The following ITGB6 variants were observed in gnomAD, a reference collection of about 807,000 sequenced individuals.
ITGB6 encodes integrin subunit beta 6, also known as integrin beta-6.
A neutral mutation model predicts 84.5 loss-of-function variants in ITGB6; 80 were observed. The ratio of observed to expected loss-of-function variants is 0.95; its 90% CI spans 0.79 to 1.14. The LOEUF is 1.14. ITGB6 is among the 50% of genes most tolerant of loss of function. The pLI is 0.00. For missense variants in ITGB6, 1,006 were observed against 968.0 expected, an observed-to-expected ratio of 1.04 and a Z score of -0.52; for synonymous variants, 383 against 354.9, an observed-to-expected ratio of 1.08 and a Z score of -0.89.
chr2:160,193,852 T>C (rs927787253), intron 4 of ITGB6, among the ~76,000 whole-genome samples: 2 of 152,180 alleles, frequency 1.3e-5, no homozygotes, highest in African/African-American at 2.4e-5. Flanking sequence ...CTGTATTTCA[T>C]GTAGAAGAGA....
chr2:160,107,930 C>T, intron 13 of ITGB6, 85 bp from the exon 14 acceptor site: 2 of 1,172,672 alleles, frequency 1.7e-6, no homozygotes, highest in Non-Finnish European at 2.4e-6. Context: ...TTTTCATCTA[C>T]ATTTTCTGCA....
At chr2:160,116,175 C>T (rs1432732037) in intron 12 of ITGB6, among the ~76,000 whole-genome samples, 1 of 151,410 alleles carries the variant, frequency 6.6e-6, no homozygotes, top group African/African-American at 2.4e-5. Flanking sequence ...CACAAAGATA[C>T]TCCTCGAGAA....
At position 160,101,829 on chromosome 2, in the gene ITGB6, G is replaced by C; in HGVS notation, c.2274C>G (p.Thr758=). The change falls in exon 15 of 15, where the codon ACC becomes ACG. Residue 758 remains threonine (T), a synonymous_variant. Transcript: ENST00000283249. The part of the protein sequence containing the change: ...ERSKAKWQTG[T]NPLYRGSTST... ...TTGTGGATCCTCTGTAGAGTGGATT[G>C]GTTCCCTGGAAAAAAAAAAAAGATT... 1 of 1,420,812 alleles carries C rather than the reference G, an allele frequency of 7.0e-7. No individual in the cohort carries two copies. Among genetic ancestry groups the C allele is most frequent in the Non-Finnish European group, 9.4e-7 (1 of 1,067,730 alleles). 88.0% of individuals were successfully genotyped at this position (1,420,812 alleles called of 1,614,324 possible).
At chr2:160,131,865 TA>T (rs1683482327) in intron 10 of ITGB6, among the ~76,000 whole-genome samples, 1 of 152,188 alleles carries the variant, frequency 6.6e-6, no homozygotes, top group South Asian at 2.1e-4. Context: ...AAGTCTTTTT[TA>T]GTTTATTTCT....
At chr2:160,183,228 G>A (rs191145289) in intron 4 of ITGB6, among the ~76,000 whole-genome samples, 51 of 151,920 alleles carry the variant, frequency 3.4e-4, no homozygotes, top group African/African-American at 1.2e-3. Context: ...ACCCATTGGT[G>A]TGTATTCAGG....
chr2:160,112,061 T>C lies in ITGB6; in HGVS notation c.2101+19A>G. 3.1e-6 allele frequency: 5 copies of C among 1,610,878 alleles called. No homozygotes were observed. Among genetic ancestry groups the C allele is most frequent in the South Asian group, 1.1e-5 (1 of 90,304 alleles). ...GTGTAGTATCATTTGCCATCGGCAA[T>C]GGAAGGCAAAACACCCACCTTTTTC... On this transcript the variant is annotated intron_variant, in intron 13 of 14. Coordinates refer to ENST00000283249, the MANE Select transcript of ITGB6 (RefSeq NM_000888.5).
rs1299690741 is a variant in ITGB6 at position 160,172,605 on chromosome 2, C to A, written c.885G>T (p.Leu295Phe). 5.0e-6 allele frequency: 8 copies of A among 1,610,362 alleles called. No individual in the cohort carries two copies. The highest frequency in any genetic ancestry group is 6.8e-6 in the Non-Finnish European group (8 of 1,177,064). ...ACATGGAGTATTCATTCTTGCTGTC[C>A]AAGTGACAGAGCCCGTCATTAGGAA... ...IVIPNDGLCH[L>F]DSKNEYSMST... is the part of the protein sequence containing the mutation. The change falls in exon 6 of 15, where the codon TTG becomes TTT. Residue 295 changes from leucine to phenylalanine, a missense_variant. Transcript: ENST00000283249.
At chr2:160,107,872 A>C (rs1343577313) in intron 13 of ITGB6, 27 bp from the exon 14 acceptor site, 3 of 1,555,866 alleles carry the variant, frequency 1.9e-6, no homozygotes, top group Admixed American at 3.6e-5. Flanking sequence ...AATTATAAGA[A>C]GGTGGTAAAA....
chr2:160,126,559 C>T lies in ITGB6; in HGVS notation c.1703G>A (p.Gly568Asp). ...CDCGECVCRS[G>D]WTGEYCNCTT... is the part of the protein sequence containing the mutation. ...GCAGTTGCAGTACTCGCCAGTCCAG[C>T]CGCTCCTGCACACACATTCACCACA... Residue 568 changes from glycine (G) to aspartate (D), a missense_variant, in exon 11 of 15, where the codon GGC becomes GAC. Transcript: ENST00000283249. 1 of 1,613,908 alleles carries T rather than the reference C, an allele frequency of 6.2e-7. No homozygotes were observed. The highest frequency in any genetic ancestry group is 8.5e-7 in the Non-Finnish European group (1 of 1,180,008).
At chr2:160,104,469 C>T (rs1696833689) in intron 14 of ITGB6, among the ~76,000 whole-genome samples, 1 of 152,158 alleles carries the variant, frequency 6.6e-6, no homozygotes, top group African/African-American at 2.4e-5. Flanking sequence ...TTCCCCTAAC[C>T]ATTTGGGGTT....
chr2:160,153,934 C>G (rs1040139029), intron 7 of ITGB6, among the ~76,000 whole-genome samples: 4 of 152,186 alleles, frequency 2.6e-5, no homozygotes, highest in Non-Finnish European at 5.9e-5. Context: ...CAGGAAACAA[C>G]AGATGCTGGA....
intron 4 of ITGB6, among the ~76,000 whole-genome samples, chr2:160,181,396 C>G (rs1285374096): frequency 6.6e-6 from 1 of 152,210 alleles, no homozygotes; most frequent in Non-Finnish European, 1.5e-5. Context: ...GCAGAGCTCA[C>G]CGCAGCTCGG....
rs138963669 is a variant in ITGB6, at chr2:160,107,183, G to T, written c.2268+496C>A. 1.4e-4 allele frequency among the ~76,000 whole-genome samples: 22 copies of T among 152,060 alleles called. No individual in the cohort carries two copies. In the East Asian group the frequency reaches 3.3e-3, roughly 23 times the overall value. On this transcript the variant is annotated intron_variant, in intron 14 of 14. Transcript: ENST00000283249. ...GTTATTCAGAAAAAATAACTGCATG[G>T]CATTTTAAAAATCATCTCAATTTTG...
chr2:160,150,275 A>G (rs1175271937), intron 7 of ITGB6, among the ~76,000 whole-genome samples: 1 of 152,178 alleles, frequency 6.6e-6, no homozygotes, highest in Non-Finnish European at 1.5e-5. Flanking sequence ...GAAACCCTAC[A>G]AGCCAGAAGA....
At chr2:160,141,302 A>T (rs1041791555) in intron 8 of ITGB6, among the ~76,000 whole-genome samples, 1 of 152,192 alleles carries the variant, frequency 6.6e-6, no homozygotes, top group African/African-American at 2.4e-5. Flanking sequence ...AAAATTAAAA[A>T]TAATTGACAA....
chr2:160,190,978 A>G (rs907731991), intron 4 of ITGB6, among the ~76,000 whole-genome samples: 1 of 152,174 alleles, frequency 6.6e-6, no homozygotes, highest in Admixed American at 6.6e-5. Flanking sequence ...TTGCCCTACT[A>G]ATCTCTCTAT....
rs2105765545 is a variant in ITGB6, at chr2:160,101,766, T to C, written c.2337A>G (p.Lys779=). The C allele has an allele frequency of 6.3e-7, 1 of 1,599,676 alleles. No homozygotes were observed. Among genetic ancestry groups the C allele is most frequent in the Non-Finnish European group, 8.6e-7 (1 of 1,167,076 alleles). ...AATCTGTGGAAAGGTCTACCTTTTG[T>C]TTTTCCCTGTGTTTATAAGTTACAT... The part of the protein sequence containing the change: ...FKNVTYKHRE[K]QKVDLSTDC Residue 779 remains lysine, a synonymous_variant, in exon 15 of 15, where the codon AAA becomes AAG. Coordinates refer to ENST00000283249, the MANE Select transcript of ITGB6 (RefSeq NM_000888.5).
chr2:160,101,928 T>C (rs1386007310), intron 14 of ITGB6, 94 bp from the exon 15 acceptor site: 1 of 709,104 alleles, frequency 1.4e-6, no homozygotes, highest in Non-Finnish European at 2.5e-6. Flanking sequence ...AGAGTCAAGC[T>C]CAGTCTTGGA....
At chr2:160,160,749 G>A (rs1312849047) in intron 7 of ITGB6, among the ~76,000 whole-genome samples, 1 of 152,174 alleles carries the variant, frequency 6.6e-6, no homozygotes, top group East Asian at 1.9e-4. Flanking sequence ...CCTGCATAGT[G>A]ATACAAGCTG....
Sources: allele counts gnomAD v4.1 joint callset (sites outside exome capture counted in the v4.1 genomes callset), GRCh38; gene constraint gnomAD v4.1.1; transcripts MANE v1.5; gene names NCBI Gene and HGNC (gene_info 2026-07-23, HGNC 2026-07-21).